Variants in MAD1L1 observed in about 807,000 individuals in gnomAD.
The protein encoded by MAD1L1 is mitotic arrest deficient 1 like 1, also known as mitotic spindle assembly checkpoint protein MAD1.
MAD1L1 carries 95 observed loss-of-function variants against 96.9 expected under a neutral mutation model. The observed-to-expected ratio is 0.98, with a 90% confidence interval of 0.83 to 1.16. The LOEUF (loss-of-function observed/expected upper bound fraction) is 1.16. MAD1L1 is among the 50% of genes most tolerant of loss of function. The pLI is 0.00. For missense variants in MAD1L1, 1,007 were observed against 954.4 expected, an observed-to-expected ratio of 1.06 and a Z score of -0.73; for synonymous variants, 473 against 396.6, an observed-to-expected ratio of 1.19 and a Z score of -2.29.
chr7:2,163,539 A>C (rs756445673), intron 10 of MAD1L1, among the ~76,000 whole-genome samples: 4 of 151,932 alleles, frequency 2.6e-5, no homozygotes, highest in Non-Finnish European at 5.9e-5. Flanking sequence ...ACACCTGGCT[A>C]ATTTTTTGTA....
chr7:2,118,680 G>A (rs181736129), intron 11 of MAD1L1, among the ~76,000 whole-genome samples: 21 of 152,266 alleles, frequency 1.4e-4, no homozygotes, highest in Non-Finnish European at 3.1e-4. Context: ...CCCACATACT[G>A]CTGCCCACAC....
At chr7:2,013,760 C>T (rs966551547) in intron 13 of MAD1L1, among the ~76,000 whole-genome samples, 4 of 152,230 alleles carry the variant, frequency 2.6e-5, no homozygotes, top group Admixed American at 6.5e-5. Context: ...AGGCTGGGAA[C>T]GGTGTGCTAG....
intron 11 of MAD1L1, among the ~76,000 whole-genome samples, chr7:2,123,111 G>A (rs1470154884): frequency 2.0e-5 from 3 of 152,096 alleles, no homozygotes; most frequent in African/African-American, 4.8e-5. Flanking sequence ...AGACCATCCT[G>A]GCTAATGTGG....
At chr7:2,122,678 A>T (rs1451680515) in intron 11 of MAD1L1, among the ~76,000 whole-genome samples, 1 of 152,034 alleles carries the variant, frequency 6.6e-6, no homozygotes, top group Non-Finnish European at 1.5e-5. Flanking sequence ...CAGGCAGGTG[A>T]GACTCAGGCA....
At chr7:1,831,738 C>G (rs1412289896) in intron 18 of MAD1L1, among the ~76,000 whole-genome samples, 3 of 152,112 alleles carry the variant, frequency 2.0e-5, no homozygotes, top group Non-Finnish European at 2.9e-5. Flanking sequence ...CTCTTGGGGC[C>G]CTTAAGAATG....
intron 16 of MAD1L1, among the ~76,000 whole-genome samples, chr7:1,956,994 A>G (rs1779755497): frequency 6.6e-6 from 1 of 152,204 alleles, no homozygotes; most frequent in South Asian, 2.1e-4. Context: ...ACCCAGAAAG[A>G]CGTTCAGCAG....
At position 1,873,642 on chromosome 7, in the gene MAD1L1, A is replaced by G. The variant is rs191943208; in HGVS notation, c.1998+24558T>C. ...GGGAGATCCTGGCAGGGGACACACCAGCTGCCCACTGCTGCCTCCCTCACT... is the reference window on the plus strand; with the variant it reads ...GGGAGATCCTGGCAGGGGACACACCGGCTGCCCACTGCTGCCTCCCTCACT... On this transcript the variant is annotated intron_variant, in intron 18 of 18. Transcript: ENST00000265854. 1.1e-4 allele frequency among the ~76,000 whole-genome samples: 17 copies of G among 152,180 alleles called. No individual in the cohort carries two copies. In the East Asian group the frequency reaches 3.1e-3, roughly 28 times the overall value.
intron 11 of MAD1L1, among the ~76,000 whole-genome samples, chr7:2,143,280 C>A (rs1188998851): frequency 2.0e-5 from 3 of 150,960 alleles, no homozygotes; most frequent in Non-Finnish European, 4.4e-5. Context: ...GCTTCTCCAG[C>A]GGGAGGCCCC....
At chr7:1,825,025 G>C (rs1057069196) in intron 18 of MAD1L1, among the ~76,000 whole-genome samples, 1 of 152,108 alleles carries the variant, frequency 6.6e-6, no homozygotes, top group African/African-American at 2.4e-5. Context: ...TGTTAATGGC[G>C]GTTAACTCGG....
intron 18 of MAD1L1, among the ~76,000 whole-genome samples, chr7:1,868,491 A>ACCCCC (rs1562473239): frequency 2.9e-5 from 2 of 68,094 alleles, no homozygotes; most frequent in Non-Finnish European, 6.3e-5. Context: ...ACCCCACCCC[A>ACCCCC]CGGATAATTT....
chr7:2,201,228 G>C (rs889846604), intron 10 of MAD1L1, among the ~76,000 whole-genome samples: 1 of 113,896 alleles, frequency 8.8e-6, no homozygotes, highest in East Asian at 2.2e-4. Context: ...GGCAGGTAGT[G>C]GTGGGCTGCC....
At chr7:1,999,726 C>T (rs570803594) in intron 14 of MAD1L1, among the ~76,000 whole-genome samples, 7 of 152,342 alleles carry the variant, frequency 4.6e-5, no homozygotes, top group South Asian at 2.1e-4. Context: ...CACTGCCCAT[C>T]GGTAAAGCGA....
At chr7:2,015,150 G>A (rs905211314) in intron 12 of MAD1L1, among the ~76,000 whole-genome samples, 4 of 152,302 alleles carry the variant, frequency 2.6e-5, no homozygotes, top group South Asian at 2.1e-4. Flanking sequence ...ACCTCTGCCC[G>A]GACCTGTCGA....
At chr7:2,024,405 G>A (rs1382440415) in intron 12 of MAD1L1, among the ~76,000 whole-genome samples, 1 of 152,180 alleles carries the variant, frequency 6.6e-6, no homozygotes, top group African/African-American at 2.4e-5. Context: ...ACCACCATGT[G>A]AGCCAGGCAG....
At chr7:1,887,454 C>G (rs192108953) in intron 18 of MAD1L1, among the ~76,000 whole-genome samples, 3 of 133,346 alleles carry the variant, frequency 2.2e-5, no homozygotes, top group African/African-American at 8.7e-5. Context: ...TCTGTGTGTG[C>G]GTGCACATGT....
intron 17 of MAD1L1, among the ~76,000 whole-genome samples, chr7:1,920,099 G>A (rs1335889689): frequency 6.6e-6 from 1 of 152,162 alleles, no homozygotes; most frequent in Non-Finnish European, 1.5e-5. Flanking sequence ...GTCAGAAGCC[G>A]GGGCTGTGTG....
At chr7:1,964,452 C>T (rs775408862) in intron 15 of MAD1L1, among the ~76,000 whole-genome samples, 1 of 152,216 alleles carries the variant, frequency 6.6e-6, no homozygotes, top group African/African-American at 2.4e-5. Flanking sequence ...AAGGGGTGCG[C>T]TTTCTTCTGC....
At chr7:1,900,506 G>A (rs1030807618) in intron 17 of MAD1L1, among the ~76,000 whole-genome samples, 2 of 152,292 alleles carry the variant, frequency 1.3e-5, no homozygotes, top group South Asian at 2.1e-4. Context: ...CCAGCAGGAC[G>A]AGGCTGGGGC....
rs550297481 is a variant in MAD1L1, at chr7:2,124,055, C to G, written c.1073+25097G>C. Among the ~76,000 whole-genome samples, 3 of 152,186 alleles carry G rather than the reference C, an allele frequency of 2.0e-5. No individual in the cohort carries two copies. In the East Asian group the frequency reaches 5.8e-4, roughly 29 times the overall value. On this transcript the variant is annotated intron_variant, in intron 11 of 18. Transcript: ENST00000265854. ...AGGCTCCTCCTCTAGACGGGGAAGC[C>G]GGGCAAACACCTCCAGGAGCAAGGC... is the stretch of plus-strand genomic sequence containing the variant.
Sources: allele counts gnomAD v4.1 joint callset (sites outside exome capture counted in the v4.1 genomes callset), GRCh38; gene constraint gnomAD v4.1.1; transcripts MANE v1.5; gene names NCBI Gene and HGNC (gene_info 2026-07-23, HGNC 2026-07-21).